GPRC5B: variants seen among roughly 807,000 people sequenced by gnomAD.
GPRC5B encodes the protein G protein-coupled receptor class C group 5 member B, also known as G protein-coupled receptor family C group 5 member B.
Under a neutral mutation model 30.1 loss-of-function variants are expected in GPRC5B, and 16 were observed. The observed-to-expected ratio is 0.53, with a 90% CI of 0.36 to 0.81. GPRC5B has a LOEUF of 0.81. Ranked by LOEUF, GPRC5B falls within the 30% of genes least tolerant of loss-of-function variation. The pLI is 0.01. For missense variants in GPRC5B, 428 were observed against 544.7 expected, an observed-to-expected ratio of 0.79 and a Z score of 2.13; for synonymous variants, 241 against 239.5, an observed-to-expected ratio of 1.01 and a Z score of -0.06.
intron 1 of GPRC5B, among the ~76,000 whole-genome samples, chr16:19,884,276 C>T: frequency 6.6e-6 from 1 of 150,816 alleles, no homozygotes; most frequent in African/African-American, 2.4e-5. Flanking sequence ...CCCCCAAAGT[C>T]CAGCCCTTGT....
In GPRC5B at chr16:19,856,725, G is replaced by A; in HGVS notation, c.*3775C>T. Reference sequence around the variant, plus strand: ...AACAAGCTTTAATGCAAATAGTTTAGAAAAGAAAGGACCAGTCTTCACTTT... The same window carrying A: ...AACAAGCTTTAATGCAAATAGTTTAAAAAAGAAAGGACCAGTCTTCACTTT... On this transcript the variant is annotated 3_prime_UTR_variant, in exon 4 of 4. Coordinates refer to ENST00000300571, the MANE Select transcript of GPRC5B (RefSeq NM_016235.3). 1.7e-6 allele frequency: 1 copy of A among 583,940 alleles called. No individual in the cohort carries two copies. The highest frequency in any genetic ancestry group is 1.9e-5 in the African/African-American group (1 of 53,366). The allele number at this position is 583,940 out of a possible 1,614,324, so 36.2% of individuals were successfully genotyped here.
At chr16:19,885,313 G>T, upstream of GPRC5B, 1 of 1,243,180 alleles carries the variant, frequency 8.0e-7, no homozygotes, top group South Asian at 1.3e-5. The surrounding 1 kb of genome is among the most constrained non-coding windows in gnomAD (Gnocchi z 5.3). Flanking sequence ...ACCAGCACCA[G>T]GTCCAGGACG....
rs2141132967 is a variant in GPRC5B at position 19,857,305 on chromosome 16, G to A, written c.*3195C>T. 2.7e-6 allele frequency: 1 copy of A among 365,718 alleles called. No individual in the cohort carries two copies. Among genetic ancestry groups the A allele is most frequent in the Non-Finnish European group, 5.1e-6 (1 of 194,952 alleles). The allele number at this position is 365,718 out of a possible 1,614,324, so 22.7% of individuals were successfully genotyped here. The stretch of plus-strand genomic sequence containing the variant: ...AGCTACCACACGTCTTAAGTAAATA[G>A]TAAAGCCTTTATTTTTGTGTTAAGA... On this transcript the variant is annotated 3_prime_UTR_variant, in exon 4 of 4. Coordinates refer to ENST00000300571, the MANE Select transcript of GPRC5B (RefSeq NM_016235.3).
intron 2 of GPRC5B, among the ~76,000 whole-genome samples, chr16:19,871,337 C>A (rs1238377733): frequency 6.8e-6 from 1 of 147,160 alleles, no homozygotes; most frequent in Admixed American, 6.7e-5. Context: ...AAAACCCAAA[C>A]CCTGCTGGGC....
At chr16:19,881,131 G>T (rs1353261025) in intron 1 of GPRC5B, 3 of 152,294 alleles carry the variant, frequency 2.0e-5, no homozygotes, top group African/African-American at 7.2e-5. Context: ...AGGCTGAAAG[G>T]CCTCAGTGGG....
intron 2 of GPRC5B, among the ~76,000 whole-genome samples, chr16:19,863,807 C>T (rs556744856): frequency 4.6e-5 from 7 of 152,040 alleles, no homozygotes; most frequent in Admixed American, 6.6e-5. Context: ...AGCTGGCATT[C>T]GATTCTTATA....
intron 3 of GPRC5B, 95 bp from the exon 4 acceptor site, chr16:19,860,639 T>G: frequency 1.3e-6 from 1 of 770,218 alleles, no homozygotes; most frequent in Non-Finnish European, 2.3e-6. Flanking sequence ...AAAAATAAGT[T>G]ACCTTGCTTT....
chr16:19,860,660 G>A (rs11865578), intron 3 of GPRC5B, 116 bp from the exon 4 acceptor site: 72,848 of 647,512 alleles, frequency 0.11, 4,855 homozygotes, highest in African/African-American at 0.15. Context: ...TACCTAGATG[G>A]GTCGAATAAT....
chr16:19,870,452 A>T (rs760588867), intron 2 of GPRC5B, among the ~76,000 whole-genome samples: 23 of 152,188 alleles, frequency 1.5e-4, no homozygotes, highest in Non-Finnish European at 3.1e-4. Flanking sequence ...CAGCTCTATG[A>T]GGTACAGTCT....
chr16:19,878,645 T>A (rs2056779392), intron 1 of GPRC5B, among the ~76,000 whole-genome samples: 1 of 152,118 alleles, frequency 6.6e-6, no homozygotes, highest in Non-Finnish European at 1.5e-5. Flanking sequence ...CATTCCCCTC[T>A]TCCCCCAACC....
At chr16:19,884,091 C>A (rs866952147) in intron 1 of GPRC5B, among the ~76,000 whole-genome samples, 2 of 144,322 alleles carry the variant, frequency 1.4e-5, no homozygotes, top group Non-Finnish European at 3.0e-5. Flanking sequence ...CTGCCCCCCC[C>A]GCCATTGTAT....
chr16:19,864,879 T>C (rs1004195337), intron 2 of GPRC5B, among the ~76,000 whole-genome samples: 7 of 151,592 alleles, frequency 4.6e-5, no homozygotes, highest in Non-Finnish European at 8.8e-5. Flanking sequence ...GGACTCCAAC[T>C]TAGCCTTTCT....
intron 1 of GPRC5B, among the ~76,000 whole-genome samples, chr16:19,874,061 C>A (rs1240758489): frequency 6.6e-6 from 1 of 152,130 alleles, no homozygotes; most frequent in Non-Finnish European, 1.5e-5. Context: ...GGAATCCCAG[C>A]ATTTCAAATG....
chr16:19,870,849 A>G (rs2056711633), intron 2 of GPRC5B, among the ~76,000 whole-genome samples: 2 of 152,218 alleles, frequency 1.3e-5, no homozygotes, highest in South Asian at 4.1e-4. Context: ...TCCAGTGCAC[A>G]TGGGCTCAAG....
At chr16:19,864,187 G>A (rs1000552772) in intron 2 of GPRC5B, among the ~76,000 whole-genome samples, 1 of 152,196 alleles carries the variant, frequency 6.6e-6, no homozygotes, top group Non-Finnish European at 1.5e-5. Context: ...GCCTTTTCTT[G>A]CATAGACCCT....
intron 1 of GPRC5B, chr16:19,874,638 C>G (rs1239278988): frequency 6.6e-6 from 1 of 152,266 alleles, no homozygotes; most frequent in Non-Finnish European, 1.5e-5. Context: ...TGGGTTCTAC[C>G]CACTGGATAC....
upstream of GPRC5B, chr16:19,885,617 C>T (rs2056844163): frequency 1.2e-5 from 12 of 1,018,860 alleles, no homozygotes; most frequent in South Asian, 2.1e-4. The surrounding 1 kb of genome is among the most constrained non-coding windows in gnomAD (Gnocchi z 5.3). Flanking sequence ...CACATGTCCA[C>T]TGCCCTTCAG....
At chr16:19,864,952 TG>T (rs1355249186) in intron 2 of GPRC5B, among the ~76,000 whole-genome samples, 1 of 146,346 alleles carries the variant, frequency 6.8e-6, no homozygotes, top group Non-Finnish European at 1.5e-5. Flanking sequence ...TGTCTCAGGC[TG>T]GGGTACAGTG....
At chr16:19,885,614 C>A (rs186645638), upstream of GPRC5B, 54 of 1,020,800 alleles carry the variant, frequency 5.3e-5, no homozygotes, top group East Asian at 5.6e-3. This position sits in a 1 kb window ranked among gnomAD's most constrained non-coding sequence, Gnocchi z 5.3. Context: ...ACGCACATGT[C>A]CACTGCCCTT....
Sources: gnomAD v4.1 joint callset for allele counts (sites outside exome capture counted in the v4.1 genomes callset) on GRCh38, gnomAD v4.1.1 for gene constraint, Gnocchi (gnomAD v3.1) non-coding constraint, MANE v1.5 for transcripts, NCBI Gene and HGNC (gene_info 2026-07-23, HGNC 2026-07-21) for gene names.